Variants in PANK4 observed in about 807,000 individuals in gnomAD.
PANK4 encodes pantothenate kinase 4 (inactive), also known as 4'-phosphopantetheine phosphatase.
In PANK4, 40 loss-of-function variants were observed where a neutral mutation model predicts 87.9. The ratio of observed to expected loss-of-function variants is 0.46; its 90% CI spans 0.35 to 0.59. PANK4 has a LOEUF of 0.59. Among genes scored for constraint, PANK4 ranks in the 20% least tolerant of loss-of-function variants. The probability of loss-of-function intolerance (pLI) is 0.00; values close to 1 mark genes in which losing one functional copy is unlikely to be tolerated. For synonymous variants in PANK4, 524 were observed against 467.4 expected (o/e 1.12, Z -1.56); for missense variants, 926 against 1,072.3 (o/e 0.86, Z 1.90).
Position 2,519,114 on chromosome 1 carries a change from G to C in PANK4, c.1035+29C>G. 5.0e-6 allele frequency: 8 copies of C among 1,598,484 alleles called. No individual in the cohort carries two copies. Among genetic ancestry groups the C allele is most frequent in the Non-Finnish European group, 6.8e-6 (8 of 1,169,668 alleles). On this transcript the variant is annotated intron_variant, in intron 7 of 18. Transcript: ENST00000378466. This position sits in a 1 kb window ranked among gnomAD's most constrained non-coding sequence, Gnocchi z 8.3. ...GGAAGATCCTGGGGGGTCTGCGTTA[G>C]AGGCTGGGGAGGGCGGCGCATCCGT... is the stretch of plus-strand genomic sequence containing the variant.
intron 14 of PANK4, 68 bp from the exon 15 acceptor site, chr1:2,511,455 C>T (rs1643660206): frequency 7.9e-7 from 1 of 1,269,798 alleles, no homozygotes; most frequent in Non-Finnish European, 1.2e-6. Context: ...GACGCGTCTT[C>T]AGGTGTTCGT....
Position 2,510,927 on chromosome 1 carries a change from C to G in PANK4, c.1834-145G>C. On this transcript the variant is annotated intron_variant, in intron 15 of 18. Coordinates refer to ENST00000378466, the MANE Select transcript of PANK4 (RefSeq NM_018216.4). This position sits in a 1 kb window ranked among gnomAD's most constrained non-coding sequence, Gnocchi z 4.9. ...GAGATGCCAGGGATGGGCTGTCCTG[C>G]AGGGGCCGAGACCAGGGGCTTCAGG... 1 of 625,288 alleles carries G rather than the reference C, an allele frequency of 1.6e-6. No individual in the cohort carries two copies. Among genetic ancestry groups the G allele is most frequent in the Non-Finnish European group, 2.9e-6 (1 of 350,624 alleles). 38.7% of individuals were successfully genotyped at this position (625,288 alleles called of 1,614,324 possible). A position where few individuals can be genotyped will look rare whatever the true frequency, so the allele number is the denominator to read the frequency against.
At chr1:2,514,682 G>A (rs1643734337) in intron 10 of PANK4, among the ~76,000 whole-genome samples, 1 of 142,632 alleles carries the variant, frequency 7.0e-6, no homozygotes, top group African/African-American at 2.6e-5. Context: ...GGGCTTCCCG[G>A]GGCAGGGTCA....
At position 2,510,496 on chromosome 1, in the gene PANK4, G is replaced by A; in HGVS notation, c.1938+182C>T. The A allele has an allele frequency of 3.3e-6, 2 of 614,832 alleles. No individual in the cohort carries two copies. Among genetic ancestry groups the A allele is most frequent in the South Asian group, 1.9e-5 (1 of 52,036 alleles). 38.1% of individuals were successfully genotyped at this position (614,832 alleles called of 1,614,324 possible). ...ACATGGACCCTCAGCCTGAGCCCAGGGGGCTCGGAGCCTCCACCCCAGCAG... is the reference window on the plus strand; with the variant it reads ...ACATGGACCCTCAGCCTGAGCCCAGAGGGCTCGGAGCCTCCACCCCAGCAG... On this transcript the variant is annotated intron_variant, in intron 16 of 18. Coordinates refer to ENST00000378466, the MANE Select transcript of PANK4 (RefSeq NM_018216.4). The surrounding 1 kb of genome is among the most constrained non-coding windows in gnomAD (Gnocchi z 4.9).
rs2100773702 is a variant in PANK4 at position 2,512,892 on chromosome 1, A to C, written c.1723T>G (p.Ser575Ala). 1.9e-6 allele frequency: 3 copies of C among 1,612,776 alleles called. No individual in the cohort carries two copies. In the East Asian group the frequency reaches 6.7e-5, roughly 36 times the overall value. Residue 575 changes from serine to alanine, a missense_variant, in exon 13 of 19, where the codon TCT (serine) becomes GCT (alanine). Physicochemically the swap from Ser to Ala is moderately conservative, Grantham distance 99. Transcript: ENST00000378466. ...TCCGAGCCCGCAGACACCTACGCAGACACGGCTTTGGCCCCCCAGTCGAAG... is the reference window on the plus strand; with the variant it reads ...TCCGAGCCCGCAGACACCTACGCAGCCACGGCTTTGGCCCCCCAGTCGAAG... ...NVFDWGAKAV[S>A]AVLESDPYFG...
chr1:2,526,390 C>A (rs1489076784), intron 1 of PANK4, 74 bp downstream of exon 1: 5 of 881,782 alleles, frequency 5.7e-6, no homozygotes, highest in African/African-American at 1.8e-5. Context: ...CTTCCCGCCG[C>A]CCCCGCTCGC....
chr1:2,513,538 G>A (rs1341325540), intron 12 of PANK4, among the ~76,000 whole-genome samples: 1 of 152,218 alleles, frequency 6.6e-6, no homozygotes, highest in African/African-American at 2.4e-5. Context: ...CACCTTGCAC[G>A]GCCCTGCACG....
chr1:2,515,220 G>A lies in PANK4; in HGVS notation c.1374+342C>T. On this transcript the variant is annotated intron_variant, in intron 10 of 18. Transcript: ENST00000378466. This position sits in a 1 kb window ranked among gnomAD's most constrained non-coding sequence, Gnocchi z 5.0. ...GGCTGAGTCTCACCCCACCCCCAGAGTCAGGGTCCCACAATGCCTCCCGCA... is the reference window on the plus strand; with the variant it reads ...GGCTGAGTCTCACCCCACCCCCAGAATCAGGGTCCCACAATGCCTCCCGCA... The A allele has an allele frequency of 2.1e-6, 1 of 474,188 alleles. No individual in the cohort carries two copies. The highest frequency in any genetic ancestry group is 1.7e-5 in the South Asian group (1 of 60,444). 29.4% of individuals were successfully genotyped at this position (474,188 alleles called of 1,614,324 possible).
Position 2,515,733 on chromosome 1 carries a change from T to G in PANK4, c.1219-16A>C. ...GCAAGTCAAACTGGAAGACAGGCAG[T>G]GGCAGGGTGGAAACGTCACCATGGT... On this transcript the variant is annotated splice_polypyrimidine_tract_variant and intron_variant, in intron 9 of 18. Transcript: ENST00000378466. This position sits in a 1 kb window ranked among gnomAD's most constrained non-coding sequence, Gnocchi z 5.0. 1.2e-6 allele frequency: 2 copies of G among 1,611,430 alleles called. No individual in the cohort carries two copies. The highest frequency in any genetic ancestry group is 1.7e-6 in the Non-Finnish European group (2 of 1,179,102).
In PANK4 at chr1:2,512,967, AGCCCAGCG is replaced by A; in HGVS notation, c.1640_1647del (p.Ala547ValfsTer30). 6.2e-7 allele frequency: 1 copy of A among 1,612,448 alleles called. No individual in the cohort carries two copies. Among genetic ancestry groups the A allele is most frequent in the Non-Finnish European group, 8.5e-7 (1 of 1,179,654 alleles). On this transcript the variant is annotated frameshift_variant, in exon 13 of 19. Transcript: ENST00000378466. LOFTEE classifies it high-confidence loss of function. ...ACCAGCGCCAGCTGCCGTTCCTCCC[AGCCCAGCG>A]CGTCCAGGGAGCGCACGACCCCGGG...
rs1009825368 is a variant in PANK4, at chr1:2,521,174, T to C, written c.349A>G (p.Thr117Ala). Reference sequence around the variant, plus strand: ...CCCCCGGTCGCCTGGATGACCTTGGTCTCTGTGTTGACGAGATGGTCTTTG... The same window carrying C: ...CCCCCGGTCGCCTGGATGACCTTGGCCTCTGTGTTGACGAGATGGTCTTTG... ...FIKDHLVNTE[T>A]KVIQATGGGA... Residue 117 changes from threonine to alanine, a missense_variant, in exon 3 of 19, where the codon ACC becomes GCC. By Grantham distance (58) the Thr-to-Ala change is moderately conservative. Coordinates refer to ENST00000378466, the MANE Select transcript of PANK4 (RefSeq NM_018216.4). The C allele has an allele frequency of 5.6e-6, 9 of 1,613,876 alleles. No homozygotes were observed. Among genetic ancestry groups the C allele is most frequent in the African/African-American group, 2.7e-5 (2 of 74,930 alleles).
chr1:2,523,381 T>A (rs1157961563), intron 1 of PANK4, among the ~76,000 whole-genome samples: 1 of 152,152 alleles, frequency 6.6e-6, no homozygotes, highest in Non-Finnish European at 1.5e-5. Flanking sequence ...CCGGAGAGTC[T>A]CACTAACATG....
chr1:2,526,434 G>C (rs766098725), intron 1 of PANK4, 30 bp downstream of exon 1: 1 of 1,255,186 alleles, frequency 8.0e-7, no homozygotes, highest in Middle Eastern at 3.2e-4. Context: ...CGCCCCCGCA[G>C]CCCGCGCCCG....
Position 2,509,133 on chromosome 1 carries a change from C to T in PANK4, c.2109-73G>A. ...CCCACTTCCCATACAGTGCGGCGAC[C>T]AACGTGAAGGCTGAAACCCCTACCG... is the stretch of plus-strand genomic sequence containing the variant. On this transcript the variant is annotated intron_variant, in intron 18 of 18. Coordinates refer to ENST00000378466, the MANE Select transcript of PANK4 (RefSeq NM_018216.4). The surrounding 1 kb of genome is among the most constrained non-coding windows in gnomAD (Gnocchi z 4.9). 1.7e-6 allele frequency: 2 copies of T among 1,194,804 alleles called. No homozygotes were observed. The highest frequency in any genetic ancestry group is 2.4e-6 in the Non-Finnish European group (2 of 845,040). The allele number at this position is 1,194,804 out of a possible 1,614,324, so 74.0% of individuals were successfully genotyped here. A position where few individuals can be genotyped will look rare whatever the true frequency, so the allele number is the denominator to read the frequency against.
chr1:2,518,433 C>T, intron 8 of PANK4, 83 bp downstream of exon 8: 2 of 1,272,322 alleles, frequency 1.6e-6, no homozygotes, highest in Non-Finnish European at 2.2e-6. Flanking sequence ...CCACCTCCAC[C>T]CTGGGCCGCC....
Position 2,514,272 on chromosome 1 carries a change from C to A in PANK4, c.1487+82G>T, listed in dbSNP as rs919120368. 7 of 1,256,276 alleles carry A rather than the reference C, an allele frequency of 5.6e-6. No individual in the cohort carries two copies. The African/African-American group carries it at 7.4e-5, about 13-fold the overall frequency. 77.8% of individuals were successfully genotyped at this position (1,256,276 alleles called of 1,614,324 possible). A position where few individuals can be genotyped will look rare whatever the true frequency, so the allele number is the denominator to read the frequency against. On this transcript the variant is annotated intron_variant, in intron 11 of 18. Transcript: ENST00000378466. Reference sequence around the variant, plus strand: ...CCCCCAGCGAGCTGGGGTCCGAATGCCAACATCACGGCACTTTCTCAGAGG... The same window carrying A: ...CCCCCAGCGAGCTGGGGTCCGAATGACAACATCACGGCACTTTCTCAGAGG...
chr1:2,525,085 ACTT>A (rs1457549863), intron 1 of PANK4, among the ~76,000 whole-genome samples: 1 of 152,090 alleles, frequency 6.6e-6, no homozygotes, highest in East Asian at 1.9e-4. Context: ...ACCTATAGCT[ACTT>A]CCATTCTCAT....
At chr1:2,514,625 G>A (rs997308199) in intron 10 of PANK4, among the ~76,000 whole-genome samples, 159 bp from the exon 11 acceptor site, 7 of 139,474 alleles carry the variant, frequency 5.0e-5, no homozygotes, top group African/African-American at 1.4e-4. Context: ...CAGGGTGGGA[G>A]CCGGCTGTCG....
In PANK4 at chr1:2,518,571, C is replaced by T. The variant is rs757272243; in HGVS notation, c.1062G>A (p.Arg354=). 90 of 1,573,604 alleles carry T rather than the reference C, an allele frequency of 5.7e-5. No homozygotes were observed. Among genetic ancestry groups the T allele is most frequent in the Non-Finnish European group, 7.8e-5 (90 of 1,159,546 alleles). The change falls in exon 8 of 19, where the codon AGG becomes AGA. Residue 354 remains arginine (R), a synonymous_variant. Coordinates refer to ENST00000378466, the MANE Select transcript of PANK4 (RefSeq NM_018216.4). ...SKGEVQALFL[R]HEGYLGAIGA... is the part of the protein sequence containing the mutation. ...CGATGGCTCCCAGGTAGCCTTCGTG[C>T]CTCAGAAACAGCGCCTGCACTTCCC...
Sources: allele counts gnomAD v4.1 joint callset (sites outside exome capture counted in the v4.1 genomes callset), GRCh38; gene constraint gnomAD v4.1.1; non-coding constraint Gnocchi (gnomAD v3.1); transcripts MANE v1.5; gene names NCBI Gene and HGNC (gene_info 2026-07-23, HGNC 2026-07-21).